MGAM2: variants seen among roughly 807,000 people sequenced by gnomAD.
The protein encoded by MGAM2 is maltase-glucoamylase 2 (putative), also known as probable maltase-glucoamylase 2.
Under a neutral mutation model 96.1 loss-of-function variants are expected in MGAM2, and 98 were observed. That is an observed-to-expected ratio of 1.02 (90% CI 0.87 to 1.21). MGAM2 has a LOEUF of 1.21. MGAM2 is among the 50% of genes most tolerant of loss of function. MGAM2 has a pLI of 0.00. For missense variants in MGAM2, 2,055 were observed against 1,182.4 expected (o/e 1.74, Z -10.82); for synonymous variants, 749 against 414.8 (o/e 1.81, Z -9.79).
At chr7:142,190,464 G>A (rs1014579926) in intron 37 of MGAM2, among the ~76,000 whole-genome samples, 2 of 151,616 alleles carry the variant, frequency 1.3e-5, no homozygotes, top group African/African-American at 4.8e-5. Context: ...TAGTAGAGAC[G>A]GGTTTCGCCA....
intron 33 of MGAM2, among the ~76,000 whole-genome samples, chr7:142,183,701 C>A (rs923767319): frequency 6.6e-6 from 1 of 152,126 alleles, no homozygotes; most frequent in African/African-American, 2.4e-5. Flanking sequence ...GCAAAACATG[C>A]GTTCACCTTT....
chr7:142,122,074 A>AT (rs747741970), intron 3 of MGAM2, among the ~76,000 whole-genome samples: 2 of 152,122 alleles, frequency 1.3e-5, no homozygotes, highest in African/African-American at 4.8e-5. Context: ...TGGAAAATGG[A>AT]TTTTTTCCAA....
intron 31 of MGAM2, among the ~76,000 whole-genome samples, chr7:142,174,142 G>A (rs1319564705): frequency 6.6e-6 from 1 of 152,164 alleles, no homozygotes; most frequent in South Asian, 2.1e-4. Context: ...TTTTTGCTTA[G>A]GATTGCGTTG....
intron 3 of MGAM2, among the ~76,000 whole-genome samples, chr7:142,130,199 G>T (rs533835256): frequency 6.6e-5 from 10 of 152,298 alleles, no homozygotes; most frequent in African/African-American, 2.4e-4. Context: ...GGACATAGCA[G>T]AGATATTGTG....
chr7:142,177,370 T>A (rs960616397), intron 32 of MGAM2, among the ~76,000 whole-genome samples: 1 of 152,174 alleles, frequency 6.6e-6, no homozygotes, highest in Non-Finnish European at 1.5e-5. Context: ...CCTCCTACCA[T>A]GTCCCTCTTA....
intron 17 of MGAM2, among the ~76,000 whole-genome samples, chr7:142,155,598 CAA>C (rs1001216523): frequency 6.6e-6 from 1 of 152,174 alleles, no homozygotes; most frequent in Non-Finnish European, 1.5e-5. Context: ...GTCAAACCTT[CAA>C]AGTATTTTAT....
At chr7:142,138,925 C>T (rs1025249275) in intron 10 of MGAM2, among the ~76,000 whole-genome samples, 2 of 152,148 alleles carry the variant, frequency 1.3e-5, no homozygotes, top group African/African-American at 2.4e-5. Context: ...TAATTAACAT[C>T]TCTGAGCCTT....
At chr7:142,193,965 C>G (rs990468033) in intron 37 of MGAM2, among the ~76,000 whole-genome samples, 2 of 152,096 alleles carry the variant, frequency 1.3e-5, no homozygotes, top group African/African-American at 4.8e-5. Context: ...CACTTCAAAT[C>G]TAATACTTAA....
At chr7:142,210,312 C>T (rs1401720125) in intron 46 of MGAM2, among the ~76,000 whole-genome samples, 3 of 144,954 alleles carry the variant, frequency 2.1e-5, no homozygotes, top group African/African-American at 7.7e-5. Flanking sequence ...TTTTTTTTTT[C>T]ATACCCTAGT....
Position 142,187,848 on chromosome 7 carries a change from T to C in MGAM2, c.4207+14T>C, listed in dbSNP as rs79807308. On this transcript the variant is annotated intron_variant, in intron 36 of 47. Coordinates refer to ENST00000477922, the MANE Select transcript of MGAM2 (RefSeq NM_001293626.2). ...CCTATATGCCATGTATGTAAAATAA[T>C]TACTTCATCAACTTACTTTCCTACT... 8.2e-3 allele frequency: 5,710 copies of C among 700,266 alleles called. 271 individuals are homozygous for C. The East Asian group carries it at 0.11, about 13-fold the overall frequency. 43.4% of individuals were successfully genotyped at this position (700,266 alleles called of 1,614,324 possible).
chr7:142,173,432 T>C lies in MGAM2; in HGVS notation c.3687+78T>C, dbSNP rs932535940. 4.5e-6 allele frequency: 3 copies of C among 662,352 alleles called. No homozygotes were observed. In the South Asian group the frequency reaches 4.9e-5, roughly 11 times the overall value. The allele number at this position is 662,352 out of a possible 1,614,324, so 41.0% of individuals were successfully genotyped here. ...TAATTTTATATTAGAAGTGCTATGA[T>C]GTTCTTATCAAAGATAACTTGATAC... is the stretch of plus-strand genomic sequence containing the variant. On this transcript the variant is annotated intron_variant, in intron 31 of 47. Transcript: ENST00000477922.
chr7:142,185,842 G>T, intron 34 of MGAM2, 147 bp from the exon 35 acceptor site: 1 of 509,648 alleles, frequency 2.0e-6, no homozygotes, highest in Non-Finnish European at 3.5e-6. Flanking sequence ...CCCAATCTCT[G>T]CTTCTGTTGT....
Position 142,219,976 on chromosome 7 carries a change from C to A in MGAM2, c.5465C>A (p.Thr1822Asn), listed in dbSNP as rs1331351425. 6 of 702,766 alleles carry A rather than the reference C, an allele frequency of 8.5e-6. No homozygotes were observed. Among genetic ancestry groups the A allele is most frequent in the Middle Eastern group, 2.3e-4 (1 of 4,392 alleles). The allele number at this position is 702,766 out of a possible 1,614,324, so 43.5% of individuals were successfully genotyped here. Residue 1822 changes from threonine to asparagine, a missense_variant, in exon 48 of 48, where the codon ACC (threonine) becomes AAC (asparagine). Coordinates refer to ENST00000477922, the MANE Select transcript of MGAM2 (RefSeq NM_001293626.2). ...PVLPTPTKTS[T>N]IPMSSHPSPS... ...CTTCCTACTCCAACTAAGACAAGTA[C>A]CATCCCAATGAGTTCTCATCCTTCT... is the stretch of plus-strand genomic sequence containing the variant.
chr7:142,144,959 T>G lies in MGAM2; in HGVS notation c.1516+14T>G, dbSNP rs116772520. The G allele has an allele frequency of 9.9e-4, 697 of 702,598 alleles. 4 individuals are homozygous for G. The African/African-American group carries it at 0.011, about 11-fold the overall frequency. The allele number at this position is 702,598 out of a possible 1,614,324, so 43.5% of individuals were successfully genotyped here. ...CTTTTCTTCCTAGTAAGTTTTCACC[T>G]GTTTGCTATGACGTAGGAATAAGCC... On this transcript the variant is annotated intron_variant, in intron 14 of 47. Coordinates refer to ENST00000477922, the MANE Select transcript of MGAM2 (RefSeq NM_001293626.2).
chr7:142,126,747 A>G (rs980461717), intron 3 of MGAM2, among the ~76,000 whole-genome samples: 1 of 152,090 alleles, frequency 6.6e-6, no homozygotes, highest in Non-Finnish European at 1.5e-5. Context: ...TTTTGTCAAA[A>G]TAAGACTTTA....
chr7:142,149,128 C>T (rs1019651098), intron 15 of MGAM2, among the ~76,000 whole-genome samples: 1 of 151,922 alleles, frequency 6.6e-6, no homozygotes, highest in African/African-American at 2.4e-5. Flanking sequence ...ATTTTGGAGG[C>T]TGAGGCAGGA....
At chr7:142,133,265 T>A (rs1436570832) in intron 6 of MGAM2, among the ~76,000 whole-genome samples, 1 of 145,174 alleles carries the variant, frequency 6.9e-6, no homozygotes, top group African/African-American at 2.5e-5. Flanking sequence ...TATATAAAAT[T>A]TAATAATATA....
In MGAM2 at chr7:142,157,925, A is replaced by T. The variant is rs77976816; in HGVS notation, c.1924-12A>T. The T allele has an allele frequency of 0.033, 22,870 of 702,212 alleles. 508 individuals carry two copies. Among genetic ancestry groups the T allele is most frequent in the East Asian group, 0.071 (2,630 of 37,268 alleles). The allele number at this position is 702,212 out of a possible 1,614,324, so 43.5% of individuals were successfully genotyped here. ...AAAGAAATATTCAGCCATTCCTTCC[A>T]TTTTCTCCTAGGACCAGGATCCCGC... On this transcript the variant is annotated splice_polypyrimidine_tract_variant and intron_variant, in intron 17 of 47. Coordinates refer to ENST00000477922, the MANE Select transcript of MGAM2 (RefSeq NM_001293626.2).
Position 142,209,343 on chromosome 7 carries a change from G to A in MGAM2, c.5187+721G>A, listed in dbSNP as rs10480327. Among the ~76,000 whole-genome samples the A allele has an allele frequency of 3.6e-3, 550 of 152,272 alleles. 3 individuals are homozygous for A. Among genetic ancestry groups the A allele is most frequent in the African/African-American group, 0.012 (481 of 41,560 alleles). On this transcript the variant is annotated intron_variant, in intron 46 of 47. Transcript: ENST00000477922. ...CATGGTCAAGCCCAGAGACAGAGGA[G>A]GGACAGAATGCCTCAACTGGAGTGG...
Sources: allele counts gnomAD v4.1 joint callset (sites outside exome capture counted in the v4.1 genomes callset), GRCh38; gene constraint gnomAD v4.1.1; transcripts MANE v1.5; gene names NCBI Gene and HGNC (gene_info 2026-07-23, HGNC 2026-07-21).